CCSER1: variants seen among roughly 807,000 people sequenced by gnomAD.
CCSER1 encodes the protein serine-rich coiled-coil domain-containing protein 1.
A neutral mutation model predicts 82.0 loss-of-function variants in CCSER1; 41 were observed. The observed-to-expected ratio is 0.50, with a 90% CI of 0.39 to 0.65. The LOEUF (loss-of-function observed/expected upper bound fraction) is 0.65. Among genes scored for constraint, CCSER1 ranks in the 30% least tolerant of loss-of-function variants. CCSER1 has a pLI of 0.00. For synonymous variants in CCSER1, 414 were observed against 383.9 expected (o/e 1.08, Z -0.92); for missense variants, 1,119 against 1,064.2 (o/e 1.05, Z -0.72).
intron 10 of CCSER1, among the ~76,000 whole-genome samples, chr4:91,379,113 G>A (rs1460440717): frequency 1.3e-5 from 2 of 152,162 alleles, no homozygotes; most frequent in African/African-American, 2.4e-5. Flanking sequence ...ACTTGATCAT[G>A]GTGGATGAGC....
At chr4:90,722,490 C>T (rs1402694246) in intron 6 of CCSER1, among the ~76,000 whole-genome samples, 1 of 151,790 alleles carries the variant, frequency 6.6e-6, no homozygotes, top group Non-Finnish European at 1.5e-5. Context: ...CGAGAGTCAG[C>T]AATTCATAAT....
chr4:91,164,740 C>T (rs1423578184), intron 10 of CCSER1, among the ~76,000 whole-genome samples: 1 of 152,134 alleles, frequency 6.6e-6, no homozygotes, highest in African/African-American at 2.4e-5. Context: ...GAAGGTTGTG[C>T]ATGCATCATG....
intron 10 of CCSER1, among the ~76,000 whole-genome samples, chr4:91,207,591 T>C (rs1581772109): frequency 6.6e-6 from 1 of 151,960 alleles, no homozygotes; most frequent in Non-Finnish European, 1.5e-5. Context: ...GAGTATTCCA[T>C]GGTGTATATG....
intron 10 of CCSER1, among the ~76,000 whole-genome samples, chr4:91,492,387 A>C (rs1758595427): frequency 1.3e-5 from 2 of 152,156 alleles, no homozygotes; most frequent in South Asian, 2.1e-4. Context: ...TTACCAAAAA[A>C]ACTACAATTG....
chr4:90,262,963 C>T lies in CCSER1; in HGVS notation c.-41-45281C>T, dbSNP rs79822703. Among the ~76,000 whole-genome samples, 1,260 of 152,224 alleles carry T rather than the reference C, an allele frequency of 8.3e-3. 18 individuals carry two copies. Among genetic ancestry groups the T allele is most frequent in the African/African-American group, 0.029 (1,209 of 41,538 alleles). On this transcript the variant is annotated intron_variant, in intron 1 of 10. Coordinates refer to ENST00000509176, the MANE Select transcript of CCSER1 (RefSeq NM_001145065.2). ...GGAAGGCTGTCTATAGATGTGTCCT[C>T]GCTGAGTTCCTGTGGGAGGAGTCTC...
At chr4:91,190,479 A>G (rs1008148396) in intron 10 of CCSER1, among the ~76,000 whole-genome samples, 1 of 152,196 alleles carries the variant, frequency 6.6e-6, no homozygotes, top group Non-Finnish European at 1.5e-5. Flanking sequence ...AATGCAGACA[A>G]TCTAAGCCTT....
At chr4:90,147,877 A>G (rs1726112154) in intron 1 of CCSER1, among the ~76,000 whole-genome samples, 1 of 152,170 alleles carries the variant, frequency 6.6e-6, no homozygotes, top group Non-Finnish European at 1.5e-5. Context: ...AAATAATTTT[A>G]TAAAAGGCCG....
rs550132200 is a variant in CCSER1 at position 90,484,185 on chromosome 4, T to A, written c.1724+15831T>A. The stretch of plus-strand genomic sequence containing the variant: ...CGCATCGGTTACTGAGGCTTGTGCA[T>A]TCATCACGTAGTTCTCGTGCGTGGT... On this transcript the variant is annotated intron_variant, in intron 5 of 10. Transcript: ENST00000509176. Among the ~76,000 whole-genome samples the A allele has an allele frequency of 3.0e-4, 46 of 151,374 alleles. No homozygotes were observed. The South Asian group carries it at 9.6e-3, about 31-fold the overall frequency.
At chr4:90,540,768 G>A (rs1453938322) in intron 5 of CCSER1, among the ~76,000 whole-genome samples, 3 of 152,060 alleles carry the variant, frequency 2.0e-5, no homozygotes, top group South Asian at 2.1e-4. Flanking sequence ...CAGCTCTTGA[G>A]TCTTAGGCAA....
At chr4:91,401,882 C>A (rs569451789) in intron 10 of CCSER1, among the ~76,000 whole-genome samples, 53 of 152,082 alleles carry the variant, frequency 3.5e-4, no homozygotes, top group Non-Finnish European at 5.1e-4. Context: ...GTCTTTATAG[C>A]AGCATGATTT....
At chr4:91,140,118 G>A (rs1561579563) in intron 10 of CCSER1, among the ~76,000 whole-genome samples, 1 of 151,956 alleles carries the variant, frequency 6.6e-6, no homozygotes, top group African/African-American at 2.4e-5. Context: ...TAGGAATAAA[G>A]GTAGAGTGTA....
Position 90,684,440 on chromosome 4 carries a change from C to T in CCSER1, c.1933-39474C>T, listed in dbSNP as rs138542226. On this transcript the variant is annotated intron_variant, in intron 6 of 10. Coordinates refer to ENST00000509176, the MANE Select transcript of CCSER1 (RefSeq NM_001145065.2). ...ATTATTTTTGTCCTTACTGTTTAAG[C>T]CTTGTGTTTAAGTTTATGAGTACTT... is the stretch of plus-strand genomic sequence containing the variant. Among the ~76,000 whole-genome samples, 659 of 152,074 alleles carry T rather than the reference C, an allele frequency of 4.3e-3. 6 individuals carry two copies. The highest frequency in any genetic ancestry group is 0.015 in the African/African-American group (621 of 41,486).
intron 8 of CCSER1, among the ~76,000 whole-genome samples, chr4:90,887,853 G>A (rs1580938984): frequency 6.6e-6 from 1 of 152,094 alleles, no homozygotes; most frequent in East Asian, 1.9e-4. Flanking sequence ...CTGCACTCCA[G>A]CCTGGCGACA....
chr4:91,155,812 A>G (rs905701719), intron 10 of CCSER1, among the ~76,000 whole-genome samples: 11 of 151,940 alleles, frequency 7.2e-5, no homozygotes, highest in African/African-American at 2.7e-4. Context: ...TAACATCGAT[A>G]TATACAGTTT....
chr4:90,716,409 T>C (rs1473362089), intron 6 of CCSER1, among the ~76,000 whole-genome samples: 2 of 152,058 alleles, frequency 1.3e-5, no homozygotes, highest in Non-Finnish European at 2.9e-5. Flanking sequence ...TAGAAAGTAA[T>C]AAACTAACTT....
At chr4:90,323,415 A>T (rs532112352) in intron 3 of CCSER1, among the ~76,000 whole-genome samples, 1 of 152,186 alleles carries the variant, frequency 6.6e-6, no homozygotes, top group Non-Finnish European at 1.5e-5. Context: ...TGGAGCTCAG[A>T]TTCCTACCCC....
chr4:90,206,371 G>A (rs963726914), intron 1 of CCSER1, among the ~76,000 whole-genome samples: 1 of 152,146 alleles, frequency 6.6e-6, no homozygotes, highest in Non-Finnish European at 1.5e-5. Flanking sequence ...TGCTTTAGCT[G>A]TGTCCTAGAG....
At chr4:91,512,302 G>A (rs1272570523) in intron 10 of CCSER1, among the ~76,000 whole-genome samples, 1 of 152,152 alleles carries the variant, frequency 6.6e-6, no homozygotes, top group Non-Finnish European at 1.5e-5. Flanking sequence ...GGCAGAAGTT[G>A]GAAGGACTTG....
intron 8 of CCSER1, among the ~76,000 whole-genome samples, chr4:90,875,494 C>T (rs1336039043): frequency 1.3e-5 from 2 of 152,168 alleles, no homozygotes; most frequent in African/African-American, 4.8e-5. Context: ...CATTTATCCT[C>T]TGTTATTCAT....
Sources: gnomAD v4.1 joint callset for allele counts (sites outside exome capture counted in the v4.1 genomes callset) on GRCh38, gnomAD v4.1.1 for gene constraint, MANE v1.5 for transcripts, NCBI Gene and HGNC (gene_info 2026-07-23, HGNC 2026-07-21) for gene names.